The following ADAM11 variants were observed in gnomAD, a reference collection of about 807,000 sequenced individuals.
The protein encoded by ADAM11 is disintegrin and metalloproteinase domain-containing protein 11.
ADAM11 carries 49 observed loss-of-function variants against 119.1 expected under a neutral mutation model. The observed-to-expected ratio is 0.41, with a 90% CI of 0.33 to 0.52. The LOEUF is 0.52. Among genes scored for constraint, ADAM11 ranks in the 20% least tolerant of loss-of-function variants. ADAM11 has a pLI of 0.20. For synonymous variants in ADAM11, 364 were observed against 408.0 expected (o/e 0.89, Z 1.30); for missense variants, 777 against 1,047.5 (o/e 0.74, Z 3.56).
In ADAM11 at chr17:44,775,673, C is replaced by T. The variant is rs771904599; in HGVS notation, c.1482C>T (p.Cys494=). The change falls in exon 17 of 27, where the codon TGC becomes TGT. Residue 494 remains cysteine, a synonymous_variant. Coordinates refer to ENST00000200557, the MANE Select transcript of ADAM11 (RefSeq NM_002390.6). The surrounding 1 kb of genome is among the most constrained non-coding windows in gnomAD (Gnocchi z 7.5). ...GCGACGGGCTCTGCTGTCGCCGCTGCAAGGTAAGCAGGACCGGCCGGGAGG... is the reference window on the plus strand; with the variant it reads ...GCGACGGGCTCTGCTGTCGCCGCTGTAAGGTAAGCAGGACCGGCCGGGAGG... The part of the protein sequence containing the change: ...MCSDGLCCRR[C]KYEPRGVSCR... 9.8e-5 allele frequency: 155 copies of T among 1,581,422 alleles called. 2 individuals are homozygous for T. Among genetic ancestry groups the T allele is most frequent in the African/African-American group, 2.7e-5 (2 of 74,526 alleles).
intron 2 of ADAM11, among the ~76,000 whole-genome samples, chr17:44,761,312 G>C (rs1172650750): frequency 3.3e-5 from 5 of 152,186 alleles, no homozygotes; most frequent in African/African-American, 1.2e-4. Context: ...CCTGGAGTCA[G>C]GTAGGGATGA....
At chr17:44,774,463 C>G in intron 12 of ADAM11, 29 bp from the exon 13 acceptor site, 1 of 1,608,394 alleles carries the variant, frequency 6.2e-7, no homozygotes, top group Non-Finnish European at 8.5e-7. Flanking sequence ...AAGATGTAGA[C>G]ATCTGTGCCC....
intron 1 of ADAM11, 83 bp from the exon 2 acceptor site, chr17:44,759,639 G>A: frequency 7.7e-7 from 1 of 1,306,190 alleles, no homozygotes; most frequent in Non-Finnish European, 9.8e-7. Flanking sequence ...CACCAGAGTG[G>A]GGGATGAGGC....
chr17:44,776,235 G>A lies in ADAM11; in HGVS notation c.1566+28G>A, dbSNP rs748075581. 5 of 1,612,618 alleles carry A rather than the reference G, an allele frequency of 3.1e-6. No homozygotes were observed. In the South Asian group the frequency reaches 5.5e-5, roughly 18 times the overall value. ...CCGCCCGGCCCCGCCGTCTTGTGGA[G>A]CCCTGGGCGAGGCAACCCCTACCCT... is the stretch of plus-strand genomic sequence containing the variant. On this transcript the variant is annotated intron_variant, in intron 18 of 26. Transcript: ENST00000200557. The surrounding 1 kb of genome is among the most constrained non-coding windows in gnomAD (Gnocchi z 5.2).
rs767048747 is a variant in ADAM11 at position 44,778,273 on chromosome 17, G to A, written c.2276+31G>A. 10 of 1,587,948 alleles carry A rather than the reference G, an allele frequency of 6.3e-6. No homozygotes were observed. In the South Asian group the frequency reaches 9.0e-5, roughly 14 times the overall value. On this transcript the variant is annotated intron_variant, in intron 25 of 26. Transcript: ENST00000200557. ...AGACACACACACCCTGTGCCCCCTGGCATCCTTGAGGGGGGATCAGAATCC... is the reference window on the plus strand; with the variant it reads ...AGACACACACACCCTGTGCCCCCTGACATCCTTGAGGGGGGATCAGAATCC...
At chr17:44,774,773 G>A in intron 14 of ADAM11, 24 bp downstream of exon 14, 6 of 1,588,850 alleles carry the variant, frequency 3.8e-6, no homozygotes, top group Non-Finnish European at 5.1e-6. Context: ...GACAAACCGG[G>A]GGAAGGTCTT....
At chr17:44,771,697 G>A in intron 5 of ADAM11, 28 bp downstream of exon 5, 1 of 1,610,790 alleles carries the variant, frequency 6.2e-7, no homozygotes, top group Non-Finnish European at 8.5e-7. Context: ...CCGGGCAGCT[G>A]GGAGAAGCCT....
chr17:44,759,510 G>A (rs907380553), intron 1 of ADAM11: 14 of 1,241,898 alleles, frequency 1.1e-5, no homozygotes, highest in African/African-American at 1.6e-5. Context: ...TTGGGCGGAT[G>A]GGGGGGCAGT....
intron 2 of ADAM11, among the ~76,000 whole-genome samples, chr17:44,763,273 A>G (rs575721512): frequency 1.3e-5 from 2 of 152,228 alleles, no homozygotes; most frequent in Non-Finnish European, 2.9e-5. Flanking sequence ...TGTTATTCCC[A>G]TCTCGCAGAT....
At chr17:44,778,988 A>T (rs1448947214) in intron 25 of ADAM11, among the ~76,000 whole-genome samples, 1 of 152,154 alleles carries the variant, frequency 6.6e-6, no homozygotes, top group African/African-American at 2.4e-5. Context: ...GGAGGAACCC[A>T]TGGCCCAAGG....
chr17:44,774,630 G>C (rs777232943), intron 13 of ADAM11, 48 bp downstream of exon 13: 2 of 1,602,368 alleles, frequency 1.2e-6, no homozygotes, highest in East Asian at 4.5e-5. Flanking sequence ...AGCAGCTCTG[G>C]AACGGGAGGG....
chr17:44,779,402 C>T, intron 26 of ADAM11, 163 bp downstream of exon 26: 1 of 985,384 alleles, frequency 1.0e-6, no homozygotes, highest in Non-Finnish European at 1.2e-6. Flanking sequence ...GGTGGGAGAG[C>T]CTCGCTCAGG....
chr17:44,775,802 T>C lies in ADAM11; in HGVS notation c.1485+126T>C. On this transcript the variant is annotated intron_variant, in intron 17 of 26. Transcript: ENST00000200557. The surrounding 1 kb of genome is among the most constrained non-coding windows in gnomAD (Gnocchi z 7.5). ...GGACGAAGGCCTCTGGGGCAGGGCT[T>C]GATGCGAAGACAGCGCCAATGGGGA... 3.0e-6 allele frequency: 3 copies of C among 1,008,418 alleles called. No homozygotes were observed. Among genetic ancestry groups the C allele is most frequent in the Non-Finnish European group, 4.3e-6 (3 of 703,136 alleles). The allele number at this position is 1,008,418 out of a possible 1,614,324, so 62.5% of individuals were successfully genotyped here.
In ADAM11 at chr17:44,761,535, C is replaced by T. The variant is rs148229026; in HGVS notation, c.237+1638C>T. On this transcript the variant is annotated intron_variant, in intron 2 of 26. Coordinates refer to ENST00000200557, the MANE Select transcript of ADAM11 (RefSeq NM_002390.6). ...CATGTGAGGTGTGTATGTGATCCAC[C>T]GATTCCAGATACTTCTGAGGGGTGT... Among the ~76,000 whole-genome samples the T allele has an allele frequency of 2.3e-3, 347 of 152,024 alleles. 1 individual carries two copies. The highest frequency in any genetic ancestry group is 7.5e-3 in the Admixed American group (114 of 15,272).
At chr17:44,774,006 G>A (rs370277053) in intron 11 of ADAM11, among the ~76,000 whole-genome samples, 19 of 152,184 alleles carry the variant, frequency 1.2e-4, no homozygotes, top group Admixed American at 8.5e-4. Flanking sequence ...CAGGAGAATC[G>A]TTTGAACCCA....
rs953868177 is a variant in ADAM11 at position 44,775,088 on chromosome 17, G to A, written c.1221-124G>A. On this transcript the variant is annotated intron_variant, in intron 14 of 26. Transcript: ENST00000200557. The surrounding 1 kb of genome is among the most constrained non-coding windows in gnomAD (Gnocchi z 7.5). ...CGGGAGGATTCTGGTGCAATCCCGGGGCAGATCCTCCGCCTCCTCGCGATG... is the reference window on the plus strand; with the variant it reads ...CGGGAGGATTCTGGTGCAATCCCGGAGCAGATCCTCCGCCTCCTCGCGATG... 6.2e-5 allele frequency: 54 copies of A among 871,476 alleles called. No individual in the cohort carries two copies. Among genetic ancestry groups the A allele is most frequent in the Middle Eastern group, 6.1e-4 (2 of 3,276 alleles). The allele number at this position is 871,476 out of a possible 1,614,324, so 54.0% of individuals were successfully genotyped here. A position where few individuals can be genotyped will look rare whatever the true frequency, so the allele number is the denominator to read the frequency against.
chr17:44,774,203 C>T (rs2049566744), intron 11 of ADAM11, 92 bp from the exon 12 acceptor site: 1 of 769,122 alleles, frequency 1.3e-6, no homozygotes, highest in South Asian at 2.0e-5. Context: ...TGAGGAAGGA[C>T]TCTAGTGTGA....
At position 44,779,233 on chromosome 17, in the gene ADAM11, G is replaced by T; in HGVS notation, c.2288G>T (p.Arg763Leu). ...TCCTCCCCCTGCAGAAACATTCGCC[G>T]AGGAAGGTACGACCCGACCCAGCAG... ...GTGWGFKNIRRGRSGGA is the reference protein window; with the variant it reads ...GTGWGFKNIRLGRSGGA Residue 763 changes from arginine (R) to leucine (L), a missense_variant, in exon 26 of 27, where the codon CGA (arginine) becomes CTA (leucine). Physicochemically the swap from Arg to Leu is moderately radical, Grantham distance 102 (BLOSUM62 -2). Around this residue, in one of 4 missense-constraint regions of ADAM11, gnomAD observed 348 missense variants for 486.7 expected, o/e 0.72. Transcript: ENST00000200557. The T allele has an allele frequency of 6.3e-7, 1 of 1,582,394 alleles. No homozygotes were observed. The highest frequency in any genetic ancestry group is 8.6e-7 in the Non-Finnish European group (1 of 1,167,582).
At position 44,777,289 on chromosome 17, in the gene ADAM11, G is replaced by A. The variant is rs371816386; in HGVS notation, c.1781+24G>A. The stretch of plus-strand genomic sequence containing the variant: ...CAGTGAGTACTGAGGCTCCCAGAGG[G>A]CCTCTCAGCTCCAGGGCAGGTGTGA... On this transcript the variant is annotated intron_variant, in intron 21 of 26. Coordinates refer to ENST00000200557, the MANE Select transcript of ADAM11 (RefSeq NM_002390.6). This position sits in a 1 kb window ranked among gnomAD's most constrained non-coding sequence, Gnocchi z 5.1. The A allele has an allele frequency of 1.9e-6, 3 of 1,582,668 alleles. No homozygotes were observed. The highest frequency in any genetic ancestry group is 2.7e-5 in the African/African-American group (2 of 74,186).
Sources: gnomAD v4.1 joint callset for allele counts (sites outside exome capture counted in the v4.1 genomes callset) on GRCh38, gnomAD v4.1.1 for gene constraint, gnomAD v4.1.1 regional missense constraint, Gnocchi (gnomAD v3.1) non-coding constraint, MANE v1.5 for transcripts, NCBI Gene and HGNC (gene_info 2026-07-23, HGNC 2026-07-21) for gene names.